The following KREMEN1 variants were observed in gnomAD, a reference collection of about 807,000 sequenced individuals.
The protein encoded by KREMEN1 is kremen protein 1.
In KREMEN1, 30 loss-of-function variants were observed where a neutral mutation model predicts 46.5. That is an observed-to-expected ratio of 0.65 (90% CI 0.48 to 0.88). KREMEN1 has a LOEUF of 0.88. Among genes scored for constraint, KREMEN1 ranks in the 40% least tolerant of loss-of-function variants. The pLI, the probability that KREMEN1 is intolerant of heterozygous loss-of-function variation, is 0.00. For missense variants in KREMEN1, 533 were observed against 596.9 expected (o/e 0.89, Z 1.11); for synonymous variants, 214 against 230.6 (o/e 0.93, Z 0.65).
intron 7 of KREMEN1, among the ~76,000 whole-genome samples, chr22:29,139,367 C>T (rs1015637367): frequency 2.0e-5 from 3 of 152,046 alleles, no homozygotes; most frequent in South Asian, 4.1e-4. Flanking sequence ...TTTGGGAGGC[C>T]GAGGCAGGAA....
At chr22:29,157,714 G>A (rs1281027166) in intron 9 of KREMEN1, among the ~76,000 whole-genome samples, 2 of 152,212 alleles carry the variant, frequency 1.3e-5, no homozygotes, top group African/African-American at 4.8e-5. Flanking sequence ...GGAGGCTGGT[G>A]GCAAGGACCC....
At chr22:29,089,488 G>A (rs927433896) in intron 1 of KREMEN1, among the ~76,000 whole-genome samples, 3 of 152,048 alleles carry the variant, frequency 2.0e-5, no homozygotes, top group Admixed American at 1.3e-4. Flanking sequence ...CTTGTTTCTC[G>A]CCCATCCTTC....
chr22:29,099,828 G>A lies in KREMEN1; in HGVS notation c.352+875G>A, dbSNP rs1024856445. Reference sequence around the variant, plus strand: ...CTCCCAAAGTGTTGGGATTACAGGCGTGAGCCACCACACCCGGCACCTGTA... The same window carrying A: ...CTCCCAAAGTGTTGGGATTACAGGCATGAGCCACCACACCCGGCACCTGTA... On this transcript the variant is annotated intron_variant, in intron 3 of 8. Coordinates refer to ENST00000400335, the MANE Select transcript of KREMEN1 (RefSeq NM_001039570.3). 1.1e-4 allele frequency among the ~76,000 whole-genome samples: 17 copies of A among 151,910 alleles called. 1 individual carries two copies. The highest frequency in any genetic ancestry group is 3.1e-4 in the African/African-American group (13 of 41,378).
chr22:29,090,332 A>T (rs2037786833), intron 1 of KREMEN1, among the ~76,000 whole-genome samples: 1 of 152,204 alleles, frequency 6.6e-6, no homozygotes, highest in African/African-American at 2.4e-5. Flanking sequence ...GCTACATGAT[A>T]GACCTTATGA....
intron 5 of KREMEN1, among the ~76,000 whole-genome samples, chr22:29,135,069 C>T (rs2145840141): frequency 6.6e-6 from 1 of 152,342 alleles, no homozygotes; most frequent in South Asian, 2.1e-4. Context: ...TCTTCTCTCC[C>T]TGGCAGCCAA....
At chr22:29,133,247 C>CA (rs147076750) in intron 5 of KREMEN1, among the ~76,000 whole-genome samples, 88,147 of 126,158 alleles carry the variant, frequency 0.7, 32,014 homozygotes, top group East Asian at 0.92. Flanking sequence ...GACTCCATCT[C>CA]AAAAAAAAAA....
Position 29,143,179 on chromosome 22 carries a change from A to T in KREMEN1, c.*1067A>T. On this transcript the variant is annotated 3_prime_UTR_variant, in exon 9 of 9. Coordinates refer to ENST00000400335, the MANE Select transcript of KREMEN1 (RefSeq NM_001039570.3). ...AAAACAAAACACAAATAAACAAAAAAAATCCATTCATTTACTCATGCAATA... is the reference window on the plus strand; with the variant it reads ...AAAACAAAACACAAATAAACAAAAATAATCCATTCATTTACTCATGCAATA... 1.0e-6 allele frequency: 1 copy of T among 985,228 alleles called. No individual in the cohort carries two copies. Among genetic ancestry groups the T allele is most frequent in the African/African-American group, 1.7e-5 (1 of 57,312 alleles). 61.0% of individuals were successfully genotyped at this position (985,228 alleles called of 1,614,324 possible).
intron 9 of KREMEN1, among the ~76,000 whole-genome samples, chr22:29,165,174 A>AAAAAAT (rs959853099): frequency 7.9e-5 from 12 of 152,046 alleles, no homozygotes; most frequent in Non-Finnish European, 8.8e-5. Flanking sequence ...CTCCATCTCA[A>AAAAAAT]AAAAATAAAA....
At chr22:29,164,268 A>G (rs979342606) in intron 9 of KREMEN1, among the ~76,000 whole-genome samples, 2 of 152,206 alleles carry the variant, frequency 1.3e-5, no homozygotes, top group Non-Finnish European at 2.9e-5. Flanking sequence ...TGGCAAACTG[A>G]TGGGACCAGT....
intron 9 of KREMEN1, among the ~76,000 whole-genome samples, chr22:29,158,386 G>A (rs898086101): frequency 3.3e-5 from 5 of 152,176 alleles, no homozygotes; most frequent in African/African-American, 9.7e-5. Context: ...CAGAAAAGAG[G>A]ATGTAAGAGG....
chr22:29,159,907 C>G (rs1431255121), intron 9 of KREMEN1, among the ~76,000 whole-genome samples: 2 of 151,664 alleles, frequency 1.3e-5, no homozygotes, highest in Non-Finnish European at 2.9e-5. Context: ...CTTAAGGAGA[C>G]CTGGACTTTT....
intron 1 of KREMEN1, among the ~76,000 whole-genome samples, chr22:29,074,869 T>C (rs1298448598): frequency 6.6e-6 from 1 of 152,220 alleles, no homozygotes; most frequent in Non-Finnish European, 1.5e-5. Flanking sequence ...GTTGTGAAGA[T>C]TAAATGATAT....
chr22:29,124,393 G>T (rs1229574222), intron 4 of KREMEN1, among the ~76,000 whole-genome samples: 2 of 152,130 alleles, frequency 1.3e-5, no homozygotes, highest in African/African-American at 4.8e-5. Context: ...TGGTTGCCAG[G>T]GTTTCTGGGG....
chr22:29,120,374 A>G (rs2038323977), intron 3 of KREMEN1, among the ~76,000 whole-genome samples: 1 of 139,880 alleles, frequency 7.1e-6, no homozygotes, highest in Non-Finnish European at 1.5e-5. Context: ...TGGAGGAGGG[A>G]GAGGTGATAA....
chr22:29,077,982 T>C (rs1051669084), intron 1 of KREMEN1, among the ~76,000 whole-genome samples: 1 of 152,208 alleles, frequency 6.6e-6, no homozygotes, highest in Admixed American at 6.5e-5. Flanking sequence ...CCAGGTGCAG[T>C]GGCTCAAGCC....
In KREMEN1 at chr22:29,146,305, T is replaced by C. The variant is rs1056322554; in HGVS notation, c.*4193T>C. 15 of 985,802 alleles carry C rather than the reference T, an allele frequency of 1.5e-5. No individual in the cohort carries two copies. In the African/African-American group the frequency reaches 2.6e-4, roughly 17 times the overall value. The allele number at this position is 985,802 out of a possible 1,614,324, so 61.1% of individuals were successfully genotyped here. On this transcript the variant is annotated 3_prime_UTR_variant, in exon 9 of 9. Coordinates refer to ENST00000400335, the MANE Select transcript of KREMEN1 (RefSeq NM_001039570.3). ...TTTTCAAGCCTTCCAGCCACAGCTG[T>C]CTCCCCTCAGGCTGGACGGCTCCGG...
chr22:29,106,009 C>A (rs1249279903), intron 3 of KREMEN1, among the ~76,000 whole-genome samples: 1 of 152,154 alleles, frequency 6.6e-6, no homozygotes, highest in Admixed American at 6.5e-5. Context: ...TTCCCATTAT[C>A]CCTGATAAGG....
intron 3 of KREMEN1, among the ~76,000 whole-genome samples, chr22:29,120,356 GAAGGAA>G (rs2038322798): frequency 6.6e-6 from 1 of 151,174 alleles, no homozygotes; most frequent in African/African-American, 2.4e-5. Flanking sequence ...GAGAGGTGAT[GAAGGAA>G]ATGGAGGAGG....
chr22:29,074,695 C>T (rs867455859), intron 1 of KREMEN1, among the ~76,000 whole-genome samples: 87 of 152,196 alleles, frequency 5.7e-4, no homozygotes, highest in African/African-American at 2.0e-3. Context: ...TGGGATTTTG[C>T]TGGTGTAAGA....
Sources: allele counts gnomAD v4.1 joint callset (sites outside exome capture counted in the v4.1 genomes callset), GRCh38; gene constraint gnomAD v4.1.1; transcripts MANE v1.5; gene names NCBI Gene and HGNC (gene_info 2026-07-23, HGNC 2026-07-21).